ZNF395: variants seen among roughly 807,000 people sequenced by gnomAD.
ZNF395 encodes zinc finger protein 395.
In ZNF395, 20 loss-of-function variants were observed where a neutral mutation model predicts 57.7. That is an observed-to-expected ratio of 0.35 (90% CI 0.24 to 0.50). The LOEUF is 0.50. Among genes scored for constraint, ZNF395 ranks in the 20% least tolerant of loss-of-function variants. ZNF395 has a pLI of 0.97. For synonymous variants in ZNF395, 295 were observed against 275.9 expected (o/e 1.07, Z -0.69); for missense variants, 606 against 671.2 (o/e 0.90, Z 1.07).
intron 1 of ZNF395, among the ~76,000 whole-genome samples, chr8:28,379,347 T>G (rs1268483547): frequency 6.6e-6 from 1 of 152,164 alleles, no homozygotes; most frequent in Non-Finnish European, 1.5e-5. Flanking sequence ...GATCCTGTTA[T>G]AAACTGCATT....
chr8:28,372,962 G>A (rs185136368), intron 1 of ZNF395, among the ~76,000 whole-genome samples: 104 of 152,280 alleles, frequency 6.8e-4, no homozygotes, highest in Non-Finnish European at 1.2e-3. Flanking sequence ...TGCCAACTTG[G>A]TCACCAAATA....
intron 1 of ZNF395, among the ~76,000 whole-genome samples, chr8:28,385,551 G>A (rs1025494734): frequency 1.0e-4 from 15 of 150,622 alleles, no homozygotes; most frequent in East Asian, 3.9e-4. Context: ...GCGGGCGGAG[G>A]GTGTGTCCCT....
intron 1 of ZNF395, among the ~76,000 whole-genome samples, chr8:28,363,811 CT>C (rs948999051): frequency 3.3e-5 from 5 of 151,858 alleles, no homozygotes; most frequent in South Asian, 2.1e-4. Flanking sequence ...AAGCCTTATT[CT>C]TTTTTTTAAT....
chr8:28,383,862 GA>G (rs1461742751), intron 1 of ZNF395, among the ~76,000 whole-genome samples: 1 of 152,048 alleles, frequency 6.6e-6, no homozygotes, highest in Non-Finnish European at 1.5e-5. Flanking sequence ...GCAGCCACAA[GA>G]AACTTCTCTA....
intron 1 of ZNF395, among the ~76,000 whole-genome samples, chr8:28,366,960 T>C (rs1040425975): frequency 1.1e-4 from 17 of 152,154 alleles, no homozygotes; most frequent in Non-Finnish European, 8.8e-5. Context: ...TCTAGCTCTC[T>C]GGAATTACCA....
chr8:28,377,090 CA>C (rs1296592698), intron 1 of ZNF395, among the ~76,000 whole-genome samples: 3 of 152,034 alleles, frequency 2.0e-5, no homozygotes, highest in Non-Finnish European at 4.4e-5. Context: ...AAAACAACAA[CA>C]AAAGTAATCC....
intron 1 of ZNF395, chr8:28,385,326 G>A (rs1052301152): frequency 6.6e-6 from 1 of 152,174 alleles, no homozygotes. Context: ...AAGGCGCTGA[G>A]CCCTGCACTC....
rs373558159 is a variant in ZNF395 at position 28,350,160 on chromosome 8, C to A, written c.1234-4G>T. 224 of 1,599,566 alleles carry A rather than the reference C, an allele frequency of 1.4e-4. No individual in the cohort carries two copies. Among genetic ancestry groups the A allele is most frequent in the Non-Finnish European group, 1.8e-4 (214 of 1,175,138 alleles). On this transcript the variant is annotated splice_polypyrimidine_tract_variant and splice_region_variant and intron_variant, in intron 7 of 9. Transcript: ENST00000344423. ...GGATCTGGAAGGATGGCAGAGCCTG[C>A]GGAAGACGAGGGTGTCAGCCCGGAT...
chr8:28,371,296 T>C (rs1265971878), intron 1 of ZNF395, among the ~76,000 whole-genome samples: 1 of 152,212 alleles, frequency 6.6e-6, no homozygotes, highest in Non-Finnish European at 1.5e-5. Context: ...TCCTGCCACC[T>C]CAACCTCCCA....
intron 4 of ZNF395, 81 bp from the exon 5 acceptor site, chr8:28,353,489 T>C (rs1801744033): frequency 1.8e-6 from 2 of 1,125,070 alleles, no homozygotes; most frequent in Admixed American, 2.9e-5. Context: ...TCGGTAAACA[T>C]GGAGAGGAGT....
chr8:28,371,125 GA>G (rs1379694272), intron 1 of ZNF395, among the ~76,000 whole-genome samples: 1 of 152,184 alleles, frequency 6.6e-6, no homozygotes. Flanking sequence ...CCAAGGCCAC[GA>G]AGCTAGAAAA....
At chr8:28,373,640 T>C (rs906746765) in intron 1 of ZNF395, among the ~76,000 whole-genome samples, 1 of 152,162 alleles carries the variant, frequency 6.6e-6, no homozygotes, top group African/African-American at 2.4e-5. Context: ...CTGTGATTCT[T>C]TTCCACACAA....
chr8:28,370,460 T>C (rs1801963966), intron 1 of ZNF395, among the ~76,000 whole-genome samples: 1 of 151,906 alleles, frequency 6.6e-6, no homozygotes, highest in East Asian at 1.9e-4. Context: ...TGAGAATGAG[T>C]TTCGAGACGA....
At chr8:28,355,119 T>A (rs4732640) in intron 4 of ZNF395, among the ~76,000 whole-genome samples, 90,446 of 152,044 alleles carry the variant, frequency 0.59, 30,290 homozygotes, top group African/African-American at 0.9. Flanking sequence ...ATAAATACAC[T>A]TTCTATACCA....
At chr8:28,367,536 C>T (rs1368469350) in intron 1 of ZNF395, among the ~76,000 whole-genome samples, 2 of 152,234 alleles carry the variant, frequency 1.3e-5, no homozygotes, top group South Asian at 4.1e-4. Flanking sequence ...GAGACTGTTT[C>T]TGTTTGCGCT....
chr8:28,362,376 G>A (rs1801861003), intron 1 of ZNF395, among the ~76,000 whole-genome samples: 1 of 152,160 alleles, frequency 6.6e-6, no homozygotes. Context: ...CCTAATCTCT[G>A]CTGTTCCAGT....
chr8:28,375,245 G>C (rs1323524749), intron 1 of ZNF395: 2 of 152,182 alleles, frequency 1.3e-5, no homozygotes, highest in Non-Finnish European at 2.9e-5. Context: ...AAATTAGCCG[G>C]GTGTGGTGGC....
Position 28,361,025 on chromosome 8 carries a change from A to C in ZNF395, c.100T>G (p.Ser34Ala). ...GCGGCCCCTTCTAGCAGTGGCTCCG[A>C]GGGTGGGGCAGCCGAGGGCCCCTCC... ...ASEGPSAAPP[S>A]EPLLEGAAPQ... Residue 34 changes from serine (S) to alanine (A), a missense_variant, in exon 2 of 10, where the codon TCG (serine) becomes GCG (alanine). By Grantham distance (99) the Ser-to-Ala change is moderately conservative (BLOSUM62 1). Coordinates refer to ENST00000344423, the MANE Select transcript of ZNF395 (RefSeq NM_018660.3). 6.2e-7 allele frequency: 1 copy of C among 1,610,316 alleles called. No homozygotes were observed. The highest frequency in any genetic ancestry group is 8.5e-7 in the Non-Finnish European group (1 of 1,178,176).
At chr8:28,380,261 G>GA (rs1802093289) in intron 1 of ZNF395, among the ~76,000 whole-genome samples, 1 of 152,172 alleles carries the variant, frequency 6.6e-6, no homozygotes, top group Non-Finnish European at 1.5e-5. Flanking sequence ...TCAGGATACT[G>GA]AAAATCTCAA....
Sources: allele counts gnomAD v4.1 joint callset (sites outside exome capture counted in the v4.1 genomes callset), GRCh38; gene constraint gnomAD v4.1.1; transcripts MANE v1.5; gene names NCBI Gene and HGNC (gene_info 2026-07-23, HGNC 2026-07-21).